The following MSI2 variants were observed in gnomAD, a reference collection of about 807,000 sequenced individuals.
MSI2 encodes RNA-binding protein Musashi homolog 2.
In MSI2, 17 loss-of-function variants were observed where a neutral mutation model predicts 45.6. That is an observed-to-expected ratio of 0.37 (90% CI 0.26 to 0.56). The LOEUF (loss-of-function observed/expected upper bound fraction) is 0.56. Ranked by LOEUF, MSI2 falls within the 20% of genes least tolerant of loss-of-function variation. The pLI is 0.77. For missense variants in MSI2, 293 were observed against 444.2 expected, an observed-to-expected ratio of 0.66 and a Z score of 3.06; for synonymous variants, 156 against 158.2, an observed-to-expected ratio of 0.99 and a Z score of 0.11.
chr17:57,448,633 C>A (rs2084941281), intron 6 of MSI2: 1 of 152,312 alleles, frequency 6.6e-6, no homozygotes, highest in African/African-American at 2.4e-5. Context: ...TCTGCTCTAC[C>A]TTCCTTGGGA....
At chr17:57,689,606 A>G (rs8076844), downstream of MSI2, among the ~76,000 whole-genome samples, 9,173 of 152,294 alleles carry the variant, frequency 0.06, 332 homozygotes, top group African/African-American at 0.11. Context: ...TTTGACAAAT[A>G]TATACTATAC....
chr17:57,471,691 T>G (rs1055654767), intron 6 of MSI2, among the ~76,000 whole-genome samples: 2 of 152,082 alleles, frequency 1.3e-5, no homozygotes, highest in African/African-American at 4.8e-5. Context: ...CAGGAGACCA[T>G]GCAGCTGTAA....
intron 11 of MSI2, among the ~76,000 whole-genome samples, chr17:57,661,770 T>C (rs1400394824): frequency 6.6e-6 from 1 of 152,218 alleles, no homozygotes; most frequent in Non-Finnish European, 1.5e-5. Flanking sequence ...AGGTGGCCAC[T>C]GTCCCCTTTC....
Position 57,256,673 on chromosome 17 carries a change from C to T in MSI2, c.-70C>T, listed in dbSNP as rs1302860676. ...GAGCGGAGATCTCGGGGCTCGGAGC[C>T]GGCCGCCGCTCCGCTCCGATCGCTG... On this transcript the variant is annotated 5_prime_UTR_variant, in exon 1 of 14. Transcript: ENST00000284073. 1 of 671,702 alleles carries T rather than the reference C, an allele frequency of 1.5e-6. No homozygotes were observed. The highest frequency in any genetic ancestry group is 2.1e-6 in the Non-Finnish European group (1 of 468,978). The allele number at this position is 671,702 out of a possible 1,614,324, so 41.6% of individuals were successfully genotyped here. A position where few individuals can be genotyped will look rare whatever the true frequency, so the allele number is the denominator to read the frequency against.
At chr17:57,277,202 C>T (rs1365100005) in intron 5 of MSI2, among the ~76,000 whole-genome samples, 1 of 151,802 alleles carries the variant, frequency 6.6e-6, no homozygotes, top group African/African-American at 2.4e-5. Context: ...TTTACAGGTA[C>T]CCGCCACCAC....
At chr17:57,689,037 C>A (rs1913933955), downstream of MSI2, among the ~76,000 whole-genome samples, 4 of 152,074 alleles carry the variant, frequency 2.6e-5, no homozygotes, top group South Asian at 6.2e-4. Flanking sequence ...CTTTTCCTGT[C>A]CTTTTTAATT....
intron 5 of MSI2, among the ~76,000 whole-genome samples, chr17:57,289,520 G>A (rs940281520): frequency 4.0e-5 from 6 of 151,764 alleles, no homozygotes; most frequent in African/African-American, 7.3e-5. Context: ...GGACTCTGCC[G>A]TCCTCTCTTC....
At chr17:57,685,162 G>C (rs1465518112), downstream of MSI2, among the ~76,000 whole-genome samples, 1 of 152,052 alleles carries the variant, frequency 6.6e-6, no homozygotes, top group Admixed American at 6.6e-5. Context: ...TTGCCTACTG[G>C]AAATCATTAC....
intron 7 of MSI2, among the ~76,000 whole-genome samples, chr17:57,543,692 TGAG>T (rs2087102769): frequency 6.6e-6 from 1 of 152,214 alleles, no homozygotes; most frequent in South Asian, 2.1e-4. Context: ...TGAGTGACAA[TGAG>T]GAGACGTCGT....
chr17:57,636,931 G>A (rs942814855), intron 10 of MSI2, among the ~76,000 whole-genome samples: 2 of 152,162 alleles, frequency 1.3e-5, no homozygotes, highest in African/African-American at 2.4e-5. Context: ...GGACTCGTGC[G>A]TCCAGGGACC....
At chr17:57,581,948 T>C (rs1156640882) in intron 7 of MSI2, among the ~76,000 whole-genome samples, 3 of 152,248 alleles carry the variant, frequency 2.0e-5, no homozygotes, top group African/African-American at 7.2e-5. Flanking sequence ...AGTTCAGGTA[T>C]GGCTGCCGTT....
chr17:57,271,001 C>T (rs1049083527), intron 5 of MSI2, among the ~76,000 whole-genome samples: 1 of 152,154 alleles, frequency 6.6e-6, no homozygotes, highest in African/African-American at 2.4e-5. Flanking sequence ...ATTTCCTTTT[C>T]CGTATCTGAT....
chr17:57,637,352 C>T (rs12949106), intron 10 of MSI2, among the ~76,000 whole-genome samples: 23,271 of 152,210 alleles, frequency 0.15, 2,043 homozygotes, highest in East Asian at 0.25. Flanking sequence ...CCTCCCTCGG[C>T]GTGGAAAATC....
chr17:57,518,634 T>TCTCTC (rs1485593279), intron 6 of MSI2, among the ~76,000 whole-genome samples: 2 of 152,194 alleles, frequency 1.3e-5, no homozygotes, highest in African/African-American at 4.8e-5. Context: ...ATGATTTGCC[T>TCTCTC]CTCTCCTCTG....
At chr17:57,256,313 T>C (rs1231815940), upstream of MSI2, among the ~76,000 whole-genome samples, 1 of 150,228 alleles carries the variant, frequency 6.7e-6, no homozygotes, top group Non-Finnish European at 1.5e-5. Context: ...CGCGCCACCC[T>C]TGTGGGTCCG....
chr17:57,460,899 A>C (rs1175499904), intron 6 of MSI2, among the ~76,000 whole-genome samples: 1 of 152,098 alleles, frequency 6.6e-6, no homozygotes, highest in Non-Finnish European at 1.5e-5. Flanking sequence ...CTTCCGGCCA[A>C]AGGAGAGACG....
rs138811328 is a variant in MSI2, at chr17:57,417,071, G to T, written c.405+15600G>T. Among the ~76,000 whole-genome samples the T allele has an allele frequency of 7.2e-5, 11 of 152,252 alleles. No individual in the cohort carries two copies. In the East Asian group the frequency reaches 1.9e-3, roughly 27 times the overall value. ...GTGTCACTGCGAGGTGGGGACGGTGGTTGCTGCTGTGGAGCTCCTCTCCCA... is the reference window on the plus strand; with the variant it reads ...GTGTCACTGCGAGGTGGGGACGGTGTTTGCTGCTGTGGAGCTCCTCTCCCA... On this transcript the variant is annotated intron_variant, in intron 6 of 13. Coordinates refer to ENST00000284073, the MANE Select transcript of MSI2 (RefSeq NM_138962.4).
intron 5 of MSI2, among the ~76,000 whole-genome samples, chr17:57,338,183 G>A (rs1292437388): frequency 6.6e-6 from 1 of 152,042 alleles, no homozygotes; most frequent in African/African-American, 2.4e-5. Context: ...TCCACCTCCT[G>A]GGTTTAGGAA....
chr17:57,269,706 A>T (rs1346770379), intron 5 of MSI2, among the ~76,000 whole-genome samples: 1 of 152,170 alleles, frequency 6.6e-6, no homozygotes, highest in Non-Finnish European at 1.5e-5. Flanking sequence ...TGACCTCACC[A>T]TGTGTAGACA....
Sources: allele counts gnomAD v4.1 joint callset (sites outside exome capture counted in the v4.1 genomes callset), GRCh38; gene constraint gnomAD v4.1.1; transcripts MANE v1.5; gene names NCBI Gene and HGNC (gene_info 2026-07-23, HGNC 2026-07-21).